The following FAR2 variants were observed in gnomAD, a reference collection of about 807,000 sequenced individuals.
FAR2 encodes fatty acyl-CoA reductase 2.
In FAR2, 19 loss-of-function variants were observed where a neutral mutation model predicts 56.0. The observed-to-expected ratio is 0.34, with a 90% CI of 0.24 to 0.50. The LOEUF (loss-of-function observed/expected upper bound fraction) is 0.50. FAR2 is among the 20% of genes least tolerant of loss of function. FAR2 has a pLI of 0.98. For missense variants in FAR2, 508 were observed against 642.2 expected (o/e 0.79, Z 2.26); for synonymous variants, 219 against 218.8 (o/e 1.00, Z -0.01).
At chr12:29,289,274 C>A (rs1948922827) in intron 2 of FAR2, among the ~76,000 whole-genome samples, 1 of 152,126 alleles carries the variant, frequency 6.6e-6, no homozygotes, top group Non-Finnish European at 1.5e-5. Context: ...GGAGGAATCA[C>A]ATTACTTGAC....
intron 1 of FAR2, among the ~76,000 whole-genome samples, chr12:29,222,915 A>G (rs978444838): frequency 5.3e-5 from 8 of 152,206 alleles, no homozygotes; most frequent in African/African-American, 1.9e-4. Context: ...TCTTCATAAG[A>G]ACAAAATTAT....
chr12:29,250,145 A>G lies in FAR2; in HGVS notation c.-38-20267A>G, dbSNP rs1013616409. On this transcript the variant is annotated intron_variant, in intron 1 of 11. Transcript: ENST00000536681. ...TGCTGGTTAGTGTGTGACGGCTAAT[A>G]TGAAACAAAAATACAGTCTCTGTTT... 1.8e-4 allele frequency among the ~76,000 whole-genome samples: 23 copies of G among 127,084 alleles called. 3 individuals are homozygous for G. Among genetic ancestry groups the G allele is most frequent in the Admixed American group, 1.5e-3 (20 of 13,780 alleles). 83.4% of individuals were successfully genotyped at this position (127,084 alleles called of 152,430 possible).
intron 1 of FAR2, among the ~76,000 whole-genome samples, chr12:29,251,315 T>G (rs1005135873): frequency 6.6e-6 from 1 of 152,048 alleles, no homozygotes; most frequent in Admixed American, 6.6e-5. Context: ...GCCAAAAAAT[T>G]TAAACTTAAT....
intron 7 of FAR2, 117 bp from the exon 8 acceptor site, chr12:29,311,766 G>T (rs1255250805): frequency 4.6e-6 from 3 of 657,082 alleles, no homozygotes; most frequent in Non-Finnish European, 7.7e-6. Flanking sequence ...CCTTTCATAG[G>T]TTGCCTTAAT....
chr12:29,259,859 G>A (rs1179014673), intron 1 of FAR2, among the ~76,000 whole-genome samples: 2 of 152,064 alleles, frequency 1.3e-5, no homozygotes, highest in African/African-American at 4.8e-5. Flanking sequence ...ATGCTTGGGT[G>A]TGTTAGTATT....
intron 1 of FAR2, among the ~76,000 whole-genome samples, chr12:29,232,029 A>G (rs1334829913): frequency 6.6e-6 from 1 of 152,182 alleles, no homozygotes; most frequent in African/African-American, 2.4e-5. Context: ...AAAAGAACAT[A>G]TCTCAAAGGG....
intron 1 of FAR2, among the ~76,000 whole-genome samples, chr12:29,218,847 T>C (rs535978953): frequency 5.3e-5 from 8 of 152,272 alleles, no homozygotes; most frequent in African/African-American, 1.7e-4. Flanking sequence ...TGATATATTT[T>C]AAATGCTGAA....
intron 5 of FAR2, among the ~76,000 whole-genome samples, chr12:29,308,951 T>C (rs1949301767): frequency 6.6e-6 from 1 of 152,044 alleles, no homozygotes; most frequent in African/African-American, 2.4e-5. Flanking sequence ...TCATGATTCC[T>C]GCTAAGAAAA....
chr12:29,253,206 G>GATATCTATATATC lies in FAR2; in HGVS notation c.-38-17206_-38-17205insATATCTATATATC, dbSNP rs1565489242. On this transcript the variant is annotated intron_variant, in intron 1 of 11. Coordinates refer to ENST00000536681, the MANE Select transcript of FAR2 (RefSeq NM_001271783.2). Reference sequence around the variant, plus strand: ...CTCTCTCTATCTATCTATCTAGATAGGTATCTATATATCGATATCTATCTA... The same window carrying GATATCTATATATC: ...CTCTCTCTATCTATCTATCTAGATAGATATCTATATATCGTATCTATATATCGATATCTATCTA... 4.6e-4 allele frequency among the ~76,000 whole-genome samples: 48 copies of GATATCTATATATC among 103,890 alleles called. 7 individuals are homozygous for GATATCTATATATC. The highest frequency in any genetic ancestry group is 1.5e-3 in the African/African-American group (41 of 27,046). 68.2% of individuals were successfully genotyped at this position (103,890 alleles called of 152,430 possible). A position where few individuals can be genotyped will look rare whatever the true frequency, so the allele number is the denominator to read the frequency against.
chr12:29,177,290 G>T (rs957917916), intron 1 of FAR2, among the ~76,000 whole-genome samples: 4 of 151,934 alleles, frequency 2.6e-5, no homozygotes, highest in African/African-American at 9.7e-5. Context: ...TAGCAATGGC[G>T]GGGGGGATCT....
At chr12:29,169,261 T>C (rs972653380) in intron 1 of FAR2, among the ~76,000 whole-genome samples, 1 of 152,154 alleles carries the variant, frequency 6.6e-6, no homozygotes, top group Non-Finnish European at 1.5e-5. Context: ...GTAGCAGCCC[T>C]GCAGTTGTAG....
chr12:29,295,753 G>A (rs1195563199), intron 3 of FAR2, among the ~76,000 whole-genome samples: 2 of 115,980 alleles, frequency 1.7e-5, no homozygotes, highest in African/African-American at 6.4e-5. Flanking sequence ...GATTTTTTAC[G>A]TAATTTTTTT....
chr12:29,154,658 C>A (rs1157633246), intron 1 of FAR2, among the ~76,000 whole-genome samples: 1 of 152,162 alleles, frequency 6.6e-6, no homozygotes, highest in Non-Finnish European at 1.5e-5. Context: ...TGGTCTCGAT[C>A]TCCTGACCTT....
chr12:29,177,749 C>T (rs963634885), intron 1 of FAR2, among the ~76,000 whole-genome samples: 1 of 151,984 alleles, frequency 6.6e-6, no homozygotes, highest in African/African-American at 2.4e-5. Context: ...ATTTTTATCC[C>T]CATTTCACAG....
At chr12:29,255,058 A>C (rs1311996365) in intron 1 of FAR2, among the ~76,000 whole-genome samples, 1 of 152,110 alleles carries the variant, frequency 6.6e-6, no homozygotes, top group African/African-American at 2.4e-5. Flanking sequence ...ATTCAGATGC[A>C]TTTGTGTGTG....
intron 1 of FAR2, among the ~76,000 whole-genome samples, chr12:29,160,037 A>G (rs978300423): frequency 1.3e-5 from 2 of 152,198 alleles, no homozygotes; most frequent in African/African-American, 4.8e-5. Context: ...ATTCTCCTGA[A>G]CTAGATGAGT....
chr12:29,279,767 A>C (rs548191781), intron 2 of FAR2, among the ~76,000 whole-genome samples: 1 of 152,260 alleles, frequency 6.6e-6, no homozygotes, highest in East Asian at 1.9e-4. Flanking sequence ...AATCAGAGAG[A>C]TAGAGCTTGG....
At chr12:29,165,155 A>AT (rs1382517191) in intron 1 of FAR2, among the ~76,000 whole-genome samples, 8 of 152,176 alleles carry the variant, frequency 5.3e-5, no homozygotes, top group Non-Finnish European at 8.8e-5. Flanking sequence ...TCTGCTTCAC[A>AT]TTTTAAGTAA....
intron 1 of FAR2, among the ~76,000 whole-genome samples, chr12:29,154,513 C>CA (rs1273570010): frequency 6.6e-6 from 1 of 152,024 alleles, no homozygotes; most frequent in Non-Finnish European, 1.5e-5. Context: ...CAGCTCACTG[C>CA]AAGCTCCGCC....
Sources: gnomAD v4.1 joint callset for allele counts (sites outside exome capture counted in the v4.1 genomes callset) on GRCh38, gnomAD v4.1.1 for gene constraint, MANE v1.5 for transcripts, NCBI Gene and HGNC (gene_info 2026-07-23, HGNC 2026-07-21) for gene names.